The following LRRIQ1 variants were observed in gnomAD, a reference collection of about 807,000 sequenced individuals.
LRRIQ1 encodes leucine rich repeats and IQ motif containing 1.
A neutral mutation model predicts 211.9 loss-of-function variants in LRRIQ1; 210 were observed. The observed-to-expected ratio is 0.99, with a 90% CI of 0.89 to 1.11. LRRIQ1 has a LOEUF of 1.11. Among genes scored for constraint, LRRIQ1 ranks in the 50% most tolerant of loss-of-function variants. LRRIQ1 has a pLI of 0.00. For missense variants in LRRIQ1, 2,136 were observed against 1,939.5 expected, an observed-to-expected ratio of 1.10 and a Z score of -1.90; for synonymous variants, 699 against 650.1, an observed-to-expected ratio of 1.08 and a Z score of -1.14.
chr12:85,260,129 T>TA (rs34282611), intron 1 of LRRIQ1, among the ~76,000 whole-genome samples: 35,874 of 115,346 alleles, frequency 0.31, 5,942 homozygotes, highest in Middle Eastern at 0.43. Flanking sequence ...TCATGTTGGT[T>TA]AAAAAAAAAA....
intron 11 of LRRIQ1, among the ~76,000 whole-genome samples, chr12:85,088,492 G>A (rs1409970975): frequency 6.6e-6 from 1 of 152,158 alleles, no homozygotes; most frequent in Non-Finnish European, 1.5e-5. Flanking sequence ...GAAAGTCATT[G>A]GTAGCTTGAT....
At chr12:85,040,693 C>G in intron 3 of LRRIQ1, 92 bp downstream of exon 3, 2 of 678,128 alleles carry the variant, frequency 2.9e-6, no homozygotes, top group South Asian at 2.0e-5. Context: ...AAGTTCTTAT[C>G]TCTTACTGTG....
At chr12:85,170,829 A>G (rs563344357) in intron 24 of LRRIQ1, among the ~76,000 whole-genome samples, 18 of 152,200 alleles carry the variant, frequency 1.2e-4, no homozygotes, top group Non-Finnish European at 2.4e-4. Flanking sequence ...AGGAAATCCA[A>G]AGAGCTGAGA....
intron 24 of LRRIQ1, among the ~76,000 whole-genome samples, chr12:85,205,485 T>A (rs935959811): frequency 6.6e-6 from 1 of 152,116 alleles, no homozygotes; most frequent in Non-Finnish European, 1.5e-5. Flanking sequence ...GCCTGATAGA[T>A]TTCCTTTGTG....
intron 24 of LRRIQ1, among the ~76,000 whole-genome samples, chr12:85,165,878 A>G (rs959935645): frequency 1.3e-5 from 2 of 152,138 alleles, no homozygotes; most frequent in Non-Finnish European, 2.9e-5. Flanking sequence ...GGTCCCTGCT[A>G]TTGTGACTAG....
intron 23 of LRRIQ1, 131 bp from the exon 24 acceptor site, chr12:85,160,482 T>C (rs1369444724): frequency 2.0e-6 from 1 of 505,822 alleles, no homozygotes; most frequent in Non-Finnish European, 3.5e-6. Flanking sequence ...TAATATAACA[T>C]CATCATCAAT....
At chr12:85,267,324 T>C (rs1896441233), downstream of LRRIQ1, among the ~76,000 whole-genome samples, 1 of 152,034 alleles carries the variant, frequency 6.6e-6, no homozygotes, top group Non-Finnish European at 1.5e-5. Flanking sequence ...CAGATACCTT[T>C]TATTTAATGG....
Position 85,056,643 on chromosome 12 carries a change from C to CA in LRRIQ1, c.1851dup (p.Ser618IlefsTer26). On this transcript the variant is annotated frameshift_variant, in exon 8 of 27. Transcript: ENST00000393217. LOFTEE classifies it high-confidence loss of function. ...GTGAAACAAAGATCACTCTCACTAA[C>CA]ATCAGAAAATTCCAAAGATGTAAGA... 6.3e-7 allele frequency: 1 copy of CA among 1,597,832 alleles called. No individual in the cohort carries two copies.
intron 24 of LRRIQ1, among the ~76,000 whole-genome samples, chr12:85,207,455 AT>A (rs1893616026): frequency 6.6e-6 from 1 of 151,770 alleles, no homozygotes; most frequent in African/African-American, 2.4e-5. Flanking sequence ...TTTGGCAAAT[AT>A]TTTCTCCCAG....
At chr12:85,095,599 C>G (rs1238760232) in intron 11 of LRRIQ1, among the ~76,000 whole-genome samples, 1 of 151,966 alleles carries the variant, frequency 6.6e-6, no homozygotes, top group Non-Finnish European at 1.5e-5. Context: ...TGTTCTGTCA[C>G]TGCCAGATTT....
chr12:85,247,096 A>T (rs1336785847), downstream of LRRIQ1, among the ~76,000 whole-genome samples: 1 of 151,562 alleles, frequency 6.6e-6, no homozygotes, highest in Non-Finnish European at 1.5e-5. Flanking sequence ...TTTTGGGCTA[A>T]AGTATGGAAG....
rs1201024991 is a variant in LRRIQ1, at chr12:85,113,834, A to G, written c.3377+7219A>G. Among the ~76,000 whole-genome samples, 3 of 152,006 alleles carry G rather than the reference A, an allele frequency of 2.0e-5. No individual in the cohort carries two copies. In the East Asian group the frequency reaches 5.8e-4, roughly 29 times the overall value. ...CCTGAGAAACTGAACTATAGGACAT[A>G]TTACTACAAGAAATGTCAACTGTTG... On this transcript the variant is annotated intron_variant, in intron 15 of 26. Transcript: ENST00000393217.
chr12:85,183,226 A>G (rs1347619117), intron 24 of LRRIQ1, among the ~76,000 whole-genome samples: 1 of 152,134 alleles, frequency 6.6e-6, no homozygotes, highest in African/African-American at 2.4e-5. Context: ...AGTTTTCGTG[A>G]TGTCCTATTT....
At chr12:85,200,954 G>C (rs1424051956) in intron 24 of LRRIQ1, among the ~76,000 whole-genome samples, 1 of 151,810 alleles carries the variant, frequency 6.6e-6, no homozygotes, top group Non-Finnish European at 1.5e-5. Flanking sequence ...CGAGTAGCTG[G>C]GACTGCAGGT....
At position 85,101,773 on chromosome 12, in the gene LRRIQ1, G is replaced by T. The variant is rs529731146; in HGVS notation, c.3210-2231G>T. 2.6e-5 allele frequency among the ~76,000 whole-genome samples: 4 copies of T among 151,766 alleles called. 1 individual carries two copies. Among genetic ancestry groups the T allele is most frequent in the African/African-American group, 9.6e-5 (4 of 41,494 alleles). On this transcript the variant is annotated intron_variant, in intron 13 of 26. Coordinates refer to ENST00000393217, the MANE Select transcript of LRRIQ1 (RefSeq NM_001079910.2). The stretch of plus-strand genomic sequence containing the variant: ...TATTAACAGCACGGTTATCTGAAAA[G>T]ATTACTTTCAATATTACAAAAAGAT...
intron 26 of LRRIQ1, among the ~76,000 whole-genome samples, chr12:85,241,082 T>A (rs751277142): frequency 6.6e-6 from 1 of 152,008 alleles, no homozygotes; most frequent in Non-Finnish European, 1.5e-5. Flanking sequence ...AGGTCAGTAG[T>A]TTAGTAATAG....
intron 10 of LRRIQ1, among the ~76,000 whole-genome samples, chr12:85,069,770 A>G (rs1437981779): frequency 6.6e-6 from 1 of 151,982 alleles, no homozygotes; most frequent in African/African-American, 2.4e-5. Context: ...TCCTTCGCCT[A>G]CTTTTTGATG....
chr12:85,047,697 G>T, intron 6 of LRRIQ1: 1 of 413,094 alleles, frequency 2.4e-6, no homozygotes. Flanking sequence ...GGGGGCCAAT[G>T]GAGTCTATGA....
chr12:85,133,999 A>T (rs978684516), intron 18 of LRRIQ1, among the ~76,000 whole-genome samples: 1 of 151,946 alleles, frequency 6.6e-6, no homozygotes, highest in Non-Finnish European at 1.5e-5. Flanking sequence ...GCATCTTCCA[A>T]CTCCTGCTCA....
Sources: gnomAD v4.1 joint callset for allele counts (sites outside exome capture counted in the v4.1 genomes callset) on GRCh38, gnomAD v4.1.1 for gene constraint, MANE v1.5 for transcripts, NCBI Gene and HGNC (gene_info 2026-07-23, HGNC 2026-07-21) for gene names.